The following SEPTIN9 variants were observed in gnomAD, a reference collection of about 807,000 sequenced individuals.
SEPTIN9 encodes the protein septin-9.
Under a neutral mutation model 56.6 loss-of-function variants are expected in SEPTIN9, and 13 were observed. The ratio of observed to expected loss-of-function variants is 0.23; its 90% CI spans 0.15 to 0.37. The LOEUF (loss-of-function observed/expected upper bound fraction) is 0.37. Among genes scored for constraint, SEPTIN9 ranks in the 10% least tolerant of loss-of-function variants. The pLI is 1.00. For missense variants in SEPTIN9, 650 were observed against 823.1 expected (o/e 0.79, Z 2.57); for synonymous variants, 332 against 334.1 (o/e 0.99, Z 0.07).
intron 3 of SEPTIN9, among the ~76,000 whole-genome samples, chr17:77,413,112 GT>G (rs1689227784): frequency 2.6e-5 from 4 of 151,712 alleles, no homozygotes; most frequent in Non-Finnish European, 4.4e-5. Flanking sequence ...GTGTGTGTGT[GT>G]GTGTGTGTGC....
Position 77,318,050 on chromosome 17 carries a change from C to CAATAA in SEPTIN9, c.76+10874_76+10878dup, listed in dbSNP as rs113224602. Among the ~76,000 whole-genome samples, 60,067 of 149,254 alleles carry CAATAA rather than the reference C, an allele frequency of 0.4. 13,440 individuals are homozygous for CAATAA. Among genetic ancestry groups the CAATAA allele is most frequent in the East Asian group, 0.52 (2,594 of 4,998 alleles). ...TGGGTGGCAGAGCGAGACTCTGTCT[C>CAATAA]AATAAAATAAAATAAAATAAAATAA... is the stretch of plus-strand genomic sequence containing the variant. On this transcript the variant is annotated intron_variant, in intron 2 of 11. Coordinates refer to ENST00000427177, the MANE Select transcript of SEPTIN9 (RefSeq NM_001113491.2). This position sits in a 1 kb window ranked among gnomAD's most constrained non-coding sequence, Gnocchi z 4.9.
chr17:77,425,462 C>A lies in SEPTIN9; in HGVS notation c.721+22759C>A, dbSNP rs1007687100. ...AGTGTCACTCTGGATACAGCCCTCACCTCTTCCTGGCCCCCTCTCTGGTCA... is the reference window on the plus strand; with the variant it reads ...AGTGTCACTCTGGATACAGCCCTCAACTCTTCCTGGCCCCCTCTCTGGTCA... On this transcript the variant is annotated intron_variant, in intron 3 of 11. Coordinates refer to ENST00000427177, the MANE Select transcript of SEPTIN9 (RefSeq NM_001113491.2). This position sits in a 1 kb window ranked among gnomAD's most constrained non-coding sequence, Gnocchi z 4.2. Among the ~76,000 whole-genome samples, 1 of 152,172 alleles carries A rather than the reference C, an allele frequency of 6.6e-6. No homozygotes were observed. Among genetic ancestry groups the A allele is most frequent in the Non-Finnish European group, 1.5e-5 (1 of 68,030 alleles).
chr17:77,390,326 G>T lies in SEPTIN9; in HGVS notation c.77-11733G>T, dbSNP rs537150996. 5.5e-5 allele frequency among the ~76,000 whole-genome samples: 6 copies of T among 108,450 alleles called. No individual in the cohort carries two copies. In the South Asian group the frequency reaches 2.1e-3, roughly 38 times the overall value. 71.1% of individuals were successfully genotyped at this position (108,450 alleles called of 152,430 possible). On this transcript the variant is annotated intron_variant, in intron 2 of 11. Coordinates refer to ENST00000427177, the MANE Select transcript of SEPTIN9 (RefSeq NM_001113491.2). ...GGCACCACTGCACCGCAGCCTGGGC[G>T]ACAGAGCAAGACTCCGTCTTAAAAA...
intron 2 of SEPTIN9, among the ~76,000 whole-genome samples, chr17:77,386,890 C>G (rs1178357625): frequency 2.0e-5 from 3 of 152,242 alleles, no homozygotes; most frequent in Non-Finnish European, 4.4e-5. Flanking sequence ...TTAACTTCAG[C>G]CTTCAGTGCA....
chr17:77,407,282 CAAAA>C (rs58585658), intron 3 of SEPTIN9, among the ~76,000 whole-genome samples: 661 of 44,568 alleles, frequency 0.015, 10 homozygotes, highest in African/African-American at 0.044. Context: ...GACCCTGTCT[CAAAA>C]AAAAAAAAAA....
intron 3 of SEPTIN9, among the ~76,000 whole-genome samples, chr17:77,469,971 TCATCCACC>T (rs1200797580): frequency 7.9e-6 from 1 of 126,530 alleles, no homozygotes; most frequent in Non-Finnish European, 1.7e-5. Flanking sequence ...ACCCATCCAC[TCATCCACC>T]CATCCACCCA....
intron 2 of SEPTIN9, among the ~76,000 whole-genome samples, chr17:77,396,635 T>G (rs941142193): frequency 2.0e-5 from 3 of 152,104 alleles, no homozygotes; most frequent in Non-Finnish European, 4.4e-5. Context: ...GGGCGCAGTC[T>G]TAGGACTCTG....
At chr17:77,464,962 A>G (rs961420076) in intron 3 of SEPTIN9, among the ~76,000 whole-genome samples, 12 of 152,022 alleles carry the variant, frequency 7.9e-5, no homozygotes, top group Admixed American at 3.9e-4. Context: ...ATCATCCCCA[A>G]AAGAGACCCT....
intron 2 of SEPTIN9, among the ~76,000 whole-genome samples, chr17:77,312,715 GT>G (rs992951442): frequency 2.2e-4 from 33 of 152,238 alleles, no homozygotes; most frequent in Middle Eastern, 6.8e-3. Flanking sequence ...CTTCTTTTGC[GT>G]TGGCTAAAGA....
intron 3 of SEPTIN9, among the ~76,000 whole-genome samples, chr17:77,413,464 A>G (rs2036376660): frequency 6.6e-6 from 1 of 152,190 alleles, no homozygotes; most frequent in Admixed American, 6.5e-5. Context: ...TAGTGAGGAC[A>G]GTGTGCAGCG....
intron 2 of SEPTIN9, among the ~76,000 whole-genome samples, chr17:77,363,547 C>T (rs2034485160): frequency 6.6e-6 from 1 of 151,900 alleles, no homozygotes; most frequent in African/African-American, 2.4e-5. Context: ...GCCACCACAC[C>T]CGGCTAATTT....
intron 3 of SEPTIN9, among the ~76,000 whole-genome samples, chr17:77,457,950 G>A (rs561843945): frequency 9.8e-5 from 15 of 152,288 alleles, no homozygotes; most frequent in Non-Finnish European, 2.2e-4. Context: ...CCACGGCAGC[G>A]TCCCCTGGGT....
At chr17:77,355,576 G>A (rs2034203135) in intron 2 of SEPTIN9, among the ~76,000 whole-genome samples, 1 of 152,176 alleles carries the variant, frequency 6.6e-6, no homozygotes, top group Non-Finnish European at 1.5e-5. Flanking sequence ...TGCATCAGAT[G>A]CTCCTGCTTC....
intron 2 of SEPTIN9, among the ~76,000 whole-genome samples, chr17:77,350,813 AG>A (rs1450869142): frequency 6.6e-6 from 1 of 152,216 alleles, no homozygotes; most frequent in African/African-American, 2.4e-5. Flanking sequence ...CACAACTAGA[AG>A]GGCTGGTGGA....
intron 3 of SEPTIN9, chr17:77,466,289 A>C: frequency 3.5e-6 from 2 of 571,178 alleles, no homozygotes; most frequent in Non-Finnish European, 4.4e-6. Context: ...GCTGGCTTGG[A>C]GGGCCCAGTG....
chr17:77,482,801 G>C (rs1338323733), intron 4 of SEPTIN9: 1 of 545,240 alleles, frequency 1.8e-6, no homozygotes, highest in Admixed American at 3.2e-5. Context: ...ACACCCCCTG[G>C]TGGCCCCGGA....
intron 2 of SEPTIN9, among the ~76,000 whole-genome samples, chr17:77,333,830 G>T (rs1160255056): frequency 2.6e-5 from 4 of 151,408 alleles, no homozygotes; most frequent in African/African-American, 9.7e-5. Flanking sequence ...CTTTTATTTT[G>T]TATTTTCTTG....
intron 2 of SEPTIN9, chr17:77,373,563 G>A (rs751096761): frequency 1.3e-6 from 2 of 1,544,960 alleles, no homozygotes; most frequent in South Asian, 2.4e-5. Context: ...GTGGGTGCTG[G>A]GCTGGCTGCT....
chr17:77,305,926 G>A (rs2032244040), intron 1 of SEPTIN9, among the ~76,000 whole-genome samples: 1 of 133,186 alleles, frequency 7.5e-6, no homozygotes, highest in Non-Finnish European at 1.6e-5. Flanking sequence ...GTGGGTGGGT[G>A]GATGGATGGA....
Sources: gnomAD v4.1 joint callset for allele counts (sites outside exome capture counted in the v4.1 genomes callset) on GRCh38, gnomAD v4.1.1 for gene constraint, Gnocchi (gnomAD v3.1) non-coding constraint, MANE v1.5 for transcripts, NCBI Gene and HGNC (gene_info 2026-07-23, HGNC 2026-07-21) for gene names.